Variants in RNF169 observed in about 807,000 individuals in gnomAD.
RNF169 encodes E3 ubiquitin-protein ligase RNF169.
A neutral mutation model predicts 53.9 loss-of-function variants in RNF169; 24 were observed. The ratio of observed to expected loss-of-function variants is 0.45; its 90% CI spans 0.32 to 0.63. The LOEUF is 0.63. Ranked by LOEUF, RNF169 falls within the 20% of genes least tolerant of loss-of-function variation. The pLI, the probability that RNF169 is intolerant of heterozygous loss-of-function variation, is 0.04. For synonymous variants in RNF169, 396 were observed against 363.5 expected, an observed-to-expected ratio of 1.09 and a Z score of -1.02; for missense variants, 883 against 906.2, an observed-to-expected ratio of 0.97 and a Z score of 0.33.
chr11:74,819,582 G>A (rs1299516386), intron 4 of RNF169, among the ~76,000 whole-genome samples: 1 of 152,322 alleles, frequency 6.6e-6, no homozygotes, highest in Admixed American at 6.5e-5. Context: ...GACAGGCCTT[G>A]TGCCTGTTGG....
intron 4 of RNF169, among the ~76,000 whole-genome samples, chr11:74,819,471 C>G (rs2035981079): frequency 6.6e-6 from 1 of 152,220 alleles, no homozygotes; most frequent in Admixed American, 6.5e-5. Flanking sequence ...ACTTTAAACT[C>G]ATCAAAGGCA....
At chr11:74,789,793 A>G (rs2035555212) in intron 2 of RNF169, 94 bp downstream of exon 2, 1 of 773,706 alleles carries the variant, frequency 1.3e-6, no homozygotes, top group African/African-American at 1.7e-5. Flanking sequence ...GTTTTAAAAA[A>G]TTTATAATGC....
At chr11:74,765,150 A>G (rs2035152496) in intron 1 of RNF169, among the ~76,000 whole-genome samples, 3 of 152,212 alleles carry the variant, frequency 2.0e-5, no homozygotes, top group Non-Finnish European at 4.4e-5. Context: ...TCAAGACTGC[A>G]GTAAGCTGTG....
At chr11:74,778,483 G>A (rs1253308998) in intron 1 of RNF169, among the ~76,000 whole-genome samples, 2 of 152,078 alleles carry the variant, frequency 1.3e-5, no homozygotes, top group African/African-American at 4.8e-5. Flanking sequence ...TACTTAATCT[G>A]GTGATGTTGT....
intron 1 of RNF169, among the ~76,000 whole-genome samples, chr11:74,773,164 G>A (rs1183178603): frequency 6.6e-6 from 1 of 152,102 alleles, no homozygotes; most frequent in Non-Finnish European, 1.5e-5. Context: ...ATTTGGGGAG[G>A]ATTACGATTT....
intron 3 of RNF169, among the ~76,000 whole-genome samples, chr11:74,814,821 ATT>A (rs982398805): frequency 6.6e-6 from 1 of 152,146 alleles, no homozygotes. Flanking sequence ...GATGGAATCC[ATT>A]TGTCTCATTT....
rs539217216 is a variant in RNF169 at position 74,765,470 on chromosome 11, G to A, written c.502+16088G>A. 2.0e-5 allele frequency among the ~76,000 whole-genome samples: 3 copies of A among 152,128 alleles called. No homozygotes were observed. The South Asian group carries it at 6.2e-4, about 32-fold the overall frequency. On this transcript the variant is annotated intron_variant, in intron 1 of 5. Transcript: ENST00000299563. ...CCAATTCCCCCTCCAATCCATGTTT[G>A]GAAATTGAAAAAAACAAAATTTAAA...
intron 2 of RNF169, among the ~76,000 whole-genome samples, chr11:74,803,681 T>A (rs1389077588): frequency 6.6e-6 from 1 of 152,236 alleles, no homozygotes; most frequent in African/African-American, 2.4e-5. Context: ...GCATAACAGA[T>A]GTTATAAATG....
chr11:74,773,966 A>G (rs2035294073), intron 1 of RNF169, among the ~76,000 whole-genome samples: 1 of 152,230 alleles, frequency 6.6e-6, no homozygotes, highest in Non-Finnish European at 1.5e-5. Flanking sequence ...TGGAGCACAT[A>G]CCACATATTT....
intron 1 of RNF169, among the ~76,000 whole-genome samples, chr11:74,754,611 A>G (rs1205607162): frequency 6.6e-5 from 10 of 152,204 alleles, no homozygotes; most frequent in Admixed American, 1.3e-4. Context: ...AGTTGTGGCC[A>G]GGAGTTTGAG....
chr11:74,789,380 TAGTA>T (rs750876798), intron 1 of RNF169, among the ~76,000 whole-genome samples: 1 of 152,236 alleles, frequency 6.6e-6, no homozygotes, highest in Non-Finnish European at 1.5e-5. Flanking sequence ...GTAGATTTAT[TAGTA>T]AGTCTTAAAA....
At chr11:74,826,111 A>C (rs1385117965) in intron 4 of RNF169, among the ~76,000 whole-genome samples, 2 of 152,142 alleles carry the variant, frequency 1.3e-5, no homozygotes, top group East Asian at 3.8e-4. Flanking sequence ...GGATTACTTG[A>C]AGTCAAGAGT....
chr11:74,754,632 C>A (rs1591383702), intron 1 of RNF169, among the ~76,000 whole-genome samples: 1 of 152,074 alleles, frequency 6.6e-6, no homozygotes, highest in Admixed American at 6.6e-5. Context: ...ACCAGCCTGG[C>A]CAACATGGGG....
chr11:74,760,610 G>A (rs2135310991), intron 1 of RNF169, among the ~76,000 whole-genome samples: 1 of 151,458 alleles, frequency 6.6e-6, no homozygotes, highest in South Asian at 2.1e-4. Flanking sequence ...TTTCCATGTA[G>A]TTGAGCGGCT....
At chr11:74,818,530 A>G (rs1316105698) in intron 4 of RNF169, among the ~76,000 whole-genome samples, 3 of 152,078 alleles carry the variant, frequency 2.0e-5, no homozygotes, top group Admixed American at 6.6e-5. Flanking sequence ...AGCTGAGACC[A>G]TAGCTGTGTG....
chr11:74,836,644 G>T lies in RNF169; in HGVS notation c.2041G>T (p.Asp681Tyr). Residue 681 changes from aspartate (D) to tyrosine (Y), a missense_variant, in exon 6 of 6, where the codon GAC (aspartate) becomes TAC (tyrosine). By Grantham distance (160) the Asp-to-Tyr change is radical. This residue lies in a region of RNF169 where 351 missense variants were observed against 337.3 expected (regional missense o/e 1.04). Transcript: ENST00000299563. ...QLALQLQRMF[D>Y]NERRTVSRRK... ...GGCTCTGCAGTTGCAGCGCATGTTC[G>T]ACAATGAGAGGCGGACTGTGAGCCG... The T allele has an allele frequency of 6.2e-7, 1 of 1,613,998 alleles. No individual in the cohort carries two copies. Among genetic ancestry groups the T allele is most frequent in the South Asian group, 1.1e-5 (1 of 91,060 alleles).
intron 4 of RNF169, among the ~76,000 whole-genome samples, chr11:74,822,030 A>AGT (rs755039447): frequency 6.7e-6 from 1 of 149,704 alleles, no homozygotes; most frequent in Non-Finnish European, 1.5e-5. Flanking sequence ...TGAGTGAGTG[A>AGT]GAGAGAGAGA....
At chr11:74,780,153 A>G (rs1022456159) in intron 1 of RNF169, among the ~76,000 whole-genome samples, 6 of 152,174 alleles carry the variant, frequency 3.9e-5, no homozygotes, top group Non-Finnish European at 8.8e-5. Flanking sequence ...GACATTCTAT[A>G]GTTGTTTCAC....
At chr11:74,811,017 A>G (rs927583655) in intron 3 of RNF169, among the ~76,000 whole-genome samples, 18 of 152,214 alleles carry the variant, frequency 1.2e-4, no homozygotes, top group African/African-American at 3.6e-4. Flanking sequence ...TTAGACTCCT[A>G]TCTTTTAAAA....
Sources: gnomAD v4.1 joint callset for allele counts (sites outside exome capture counted in the v4.1 genomes callset) on GRCh38, gnomAD v4.1.1 for gene constraint, gnomAD v4.1.1 regional missense constraint, MANE v1.5 for transcripts, NCBI Gene and HGNC (gene_info 2026-07-23, HGNC 2026-07-21) for gene names.